PCDHGA1: variants seen among roughly 807,000 people sequenced by gnomAD.
PCDHGA1 encodes protocadherin gamma-A1.
Under a neutral mutation model 58.0 loss-of-function variants are expected in PCDHGA1, and 32 were observed. The observed-to-expected ratio is 0.55, with a 90% confidence interval of 0.42 to 0.74. The LOEUF is 0.74. Among genes scored for constraint, PCDHGA1 ranks in the 30% least tolerant of loss-of-function variants. The pLI, the probability that PCDHGA1 is intolerant of heterozygous loss-of-function variation, is 0.00. For synonymous variants in PCDHGA1, 498 were observed against 501.1 expected (o/e 0.99, Z 0.08); for missense variants, 1,205 against 1,182.3 (o/e 1.02, Z -0.28).
At chr5:141,384,210 C>A in intron 1 of PCDHGA1, 1 of 1,613,886 alleles carries the variant, frequency 6.2e-7, no homozygotes, top group Admixed American at 1.7e-5. Flanking sequence ...GGGAAACTCA[C>A]ATATTCATGC....
At chr5:141,456,336 G>A (rs2098850873) in intron 1 of PCDHGA1, among the ~76,000 whole-genome samples, 1 of 152,242 alleles carries the variant, frequency 6.6e-6, no homozygotes, top group Non-Finnish European at 1.5e-5. Context: ...TGATCTAAGG[G>A]TCCTCGGAAG....
intron 1 of PCDHGA1, chr5:141,414,940 G>C: frequency 7.4e-6 from 12 of 1,614,104 alleles, no homozygotes; most frequent in Non-Finnish European, 9.3e-6. Context: ...CGCAGAGCCC[G>C]GCTACCTGGT....
At chr5:141,465,887 C>A (rs1267304672) in intron 1 of PCDHGA1, among the ~76,000 whole-genome samples, 1 of 152,040 alleles carries the variant, frequency 6.6e-6, no homozygotes, top group Non-Finnish European at 1.5e-5. Flanking sequence ...CTTTGGGAGG[C>A]CGAGGCGGGC....
rs749822569 is a variant in PCDHGA1, at chr5:141,371,950, C to G, written c.2421+38845C>G. On this transcript the variant is annotated intron_variant, in intron 1 of 3. Coordinates refer to ENST00000517417, the MANE Select transcript of PCDHGA1 (RefSeq NM_018912.3). Reference sequence around the variant, plus strand: ...AGCGGGGTGGTGTTCGCGCAGCGAGCCTTCGACCACGAGCAGCTGCGTGCC... The same window carrying G: ...AGCGGGGTGGTGTTCGCGCAGCGAGGCTTCGACCACGAGCAGCTGCGTGCC... 3.1e-6 allele frequency: 5 copies of G among 1,613,168 alleles called. No homozygotes were observed. The highest frequency in any genetic ancestry group is 4.2e-6 in the Non-Finnish European group (5 of 1,179,884).
intron 1 of PCDHGA1, chr5:141,378,418 G>T (rs1018299998): frequency 6.6e-6 from 1 of 152,330 alleles, no homozygotes; most frequent in African/African-American, 2.4e-5. Flanking sequence ...AGCTACTCGG[G>T]AGGCTGAGGC....
chr5:141,355,846 G>A (rs1176022573), intron 1 of PCDHGA1: 5 of 1,612,248 alleles, frequency 3.1e-6, no homozygotes, highest in Admixed American at 1.7e-5. Flanking sequence ...CACGGCCTTC[G>A]ATGGAGGTGA....
At chr5:141,483,076 C>A (rs964178941) in intron 1 of PCDHGA1, among the ~76,000 whole-genome samples, 8 of 152,044 alleles carry the variant, frequency 5.3e-5, no homozygotes, top group Non-Finnish European at 8.8e-5. Context: ...CAGAGAGAGA[C>A]TCCATCTCAA....
At chr5:141,449,264 C>CTG (rs2098633558) in intron 1 of PCDHGA1, among the ~76,000 whole-genome samples, 1 of 152,056 alleles carries the variant, frequency 6.6e-6, no homozygotes, top group African/African-American at 2.4e-5. Context: ...GTACAAAGAA[C>CTG]TGTATCTCCT....
rs2095356668 is a variant in PCDHGA1, at chr5:141,410,094, C to T, written c.2421+76989C>T. Reference sequence around the variant, plus strand: ...ACTGGGGAGGTGCGCACGGCTCGAGCCTTAGGCGACAGGGACGCAGCCCGC... The same window carrying T: ...ACTGGGGAGGTGCGCACGGCTCGAGTCTTAGGCGACAGGGACGCAGCCCGC... On this transcript the variant is annotated intron_variant, in intron 1 of 3. Coordinates refer to ENST00000517417, the MANE Select transcript of PCDHGA1 (RefSeq NM_018912.3). 6.2e-7 allele frequency: 1 copy of T among 1,612,528 alleles called. No homozygotes were observed. Among genetic ancestry groups the T allele is most frequent in the Non-Finnish European group, 8.5e-7 (1 of 1,179,670 alleles).
chr5:141,476,979 G>C lies in PCDHGA1; in HGVS notation c.2422-17828G>C. On this transcript the variant is annotated intron_variant, in intron 1 of 3. Coordinates refer to ENST00000517417, the MANE Select transcript of PCDHGA1 (RefSeq NM_018912.3). The surrounding 1 kb of genome is among the most constrained non-coding windows in gnomAD (Gnocchi z 7.6). Reference sequence around the variant, plus strand: ...ATTTACTCCTTCGGCAGCCACAACCGCGCCGGCGTGCGGCAACTATTCGCC... The same window carrying C: ...ATTTACTCCTTCGGCAGCCACAACCCCGCCGGCGTGCGGCAACTATTCGCC... 1 of 1,614,238 alleles carries C rather than the reference G, an allele frequency of 6.2e-7. No homozygotes were observed. The highest frequency in any genetic ancestry group is 1.3e-5 in the African/African-American group (1 of 75,074).
chr5:141,348,457 A>G (rs540291919), intron 1 of PCDHGA1, among the ~76,000 whole-genome samples: 6 of 152,342 alleles, frequency 3.9e-5, no homozygotes, highest in African/African-American at 1.4e-4. Context: ...AAAAATGTTT[A>G]TAGTATTAGT....
chr5:141,392,914 C>G (rs2092626800), intron 1 of PCDHGA1: 1 of 1,613,786 alleles, frequency 6.2e-7, no homozygotes. Context: ...ATTCGCTACT[C>G]TGTGCCAGAA....
intron 1 of PCDHGA1, among the ~76,000 whole-genome samples, chr5:141,465,779 G>GT (rs879859429): frequency 0.017 from 2,504 of 144,598 alleles, 23 homozygotes; most frequent in Non-Finnish European, 0.024. Flanking sequence ...TCTTGTTACA[G>GT]TTTTTTTTTT....
intron 1 of PCDHGA1, chr5:141,367,611 T>C (rs868477052): frequency 2.4e-4 from 36 of 152,038 alleles, no homozygotes; most frequent in African/African-American, 8.5e-4. Flanking sequence ...AATGATAACA[T>C]GTAGCATTCT....
At chr5:141,414,042 T>A (rs758538745) in intron 1 of PCDHGA1, 1 of 1,611,324 alleles carries the variant, frequency 6.2e-7, no homozygotes, top group South Asian at 1.1e-5. Flanking sequence ...GAAAATTACC[T>A]GACACGCAAT....
intron 1 of PCDHGA1, chr5:141,423,618 C>CT (rs1300844043): frequency 1.9e-6 from 3 of 1,608,282 alleles, no homozygotes; most frequent in Admixed American, 1.7e-5. Flanking sequence ...TAGCTGAAGA[C>CT]TCAGCTATCA....
intron 1 of PCDHGA1, chr5:141,341,713 C>G (rs901955740): frequency 2.0e-6 from 1 of 494,990 alleles, no homozygotes; most frequent in African/African-American, 1.9e-5. Flanking sequence ...TCTCATCCAC[C>G]CAGATCAACA....
intron 1 of PCDHGA1, chr5:141,364,841 C>T: frequency 1.2e-6 from 2 of 1,613,988 alleles, no homozygotes. Flanking sequence ...CCGGAGTTAC[C>T]AGCTCAGCTC....
chr5:141,369,608 T>G (rs1266511682), intron 1 of PCDHGA1, among the ~76,000 whole-genome samples: 1 of 152,214 alleles, frequency 6.6e-6, no homozygotes, highest in Non-Finnish European at 1.5e-5. Flanking sequence ...TTTTATAAGG[T>G]CAATCATTTC....
Sources: gnomAD v4.1 joint callset for allele counts (sites outside exome capture counted in the v4.1 genomes callset) on GRCh38, gnomAD v4.1.1 for gene constraint, Gnocchi (gnomAD v3.1) non-coding constraint, MANE v1.5 for transcripts, NCBI Gene and HGNC (gene_info 2026-07-23, HGNC 2026-07-21) for gene names.